WWOX: variants seen among roughly 807,000 people sequenced by gnomAD.
The protein encoded by WWOX is WW domain containing oxidoreductase.
A neutral mutation model predicts 46.2 loss-of-function variants in WWOX; 69 were observed. The ratio of observed to expected loss-of-function variants is 1.49; its 90% CI spans 1.23 to 1.82. WWOX has a LOEUF of 1.82. WWOX is among the 40% of genes most tolerant of loss of function. WWOX has a pLI of 0.00. For synonymous variants in WWOX, 359 were observed against 202.6 expected (o/e 1.77, Z -6.56); for missense variants, 919 against 542.6 (o/e 1.69, Z -6.89).
intron 8 of WWOX, among the ~76,000 whole-genome samples, chr16:78,579,115 T>C (rs185269274): frequency 2.0e-5 from 3 of 152,228 alleles, no homozygotes; most frequent in African/African-American, 7.2e-5. Flanking sequence ...TGGCTGTGTT[T>C]TTCTGTTTCT....
intron 8 of WWOX, among the ~76,000 whole-genome samples, chr16:79,073,901 T>A (rs1276171210): frequency 6.6e-6 from 1 of 152,200 alleles, no homozygotes. Flanking sequence ...ATATTTTGTA[T>A]GTCCTTTTTA....
chr16:78,298,730 G>A (rs575083884), intron 5 of WWOX, among the ~76,000 whole-genome samples: 1 of 151,584 alleles, frequency 6.6e-6, no homozygotes, highest in South Asian at 2.1e-4. Flanking sequence ...GGCGGAGGTT[G>A]TGGTGAGCCA....
At chr16:79,068,862 T>TAATAAA (rs534924193) in intron 8 of WWOX, among the ~76,000 whole-genome samples, 1 of 140,420 alleles carries the variant, frequency 7.1e-6, no homozygotes, top group East Asian at 2.1e-4. Context: ...ATAATAATAA[T>TAATAAA]AAAGAAAGCG....
intron 4 of WWOX, among the ~76,000 whole-genome samples, chr16:78,136,983 G>A (rs542739433): frequency 4.6e-5 from 7 of 152,178 alleles, no homozygotes; most frequent in Non-Finnish European, 1.0e-4. Flanking sequence ...TCTGTAAGAG[G>A]AGAGGAGAGG....
chr16:78,995,022 T>G (rs560485607), intron 8 of WWOX, among the ~76,000 whole-genome samples: 5 of 146,996 alleles, frequency 3.4e-5, no homozygotes, highest in Non-Finnish European at 7.5e-5. Flanking sequence ...TTTCCCATTA[T>G]GCACAATGCG....
intron 8 of WWOX, among the ~76,000 whole-genome samples, chr16:78,547,802 A>G (rs957647522): frequency 2.6e-5 from 4 of 152,060 alleles, no homozygotes; most frequent in South Asian, 2.1e-4. Context: ...CTTTGCCTCA[A>G]TGACCTAATC....
intron 5 of WWOX, among the ~76,000 whole-genome samples, chr16:78,352,681 C>G (rs1012781999): frequency 1.3e-5 from 2 of 152,192 alleles, no homozygotes; most frequent in African/African-American, 4.8e-5. Flanking sequence ...TTACCATTTG[C>G]TATGTAACAT....
chr16:78,968,137 G>GCA (rs1362761244), intron 8 of WWOX, among the ~76,000 whole-genome samples: 8 of 16,242 alleles, frequency 4.9e-4, no homozygotes, highest in Admixed American at 1.2e-3. Flanking sequence ...CGTGGTCCGT[G>GCA]TGGCACAGCG....
rs536286940 is a variant in WWOX at position 78,132,228 on chromosome 16, G to A, written c.409+17074G>A. ...TTTTTAGTAGAGACGGGGTTTCACC[G>A]TGTTAGCAAGGATGGTCTTGATCTC... On this transcript the variant is annotated intron_variant, in intron 4 of 8. Transcript: ENST00000566780. Among the ~76,000 whole-genome samples, 12 of 149,938 alleles carry A rather than the reference G, an allele frequency of 8.0e-5. No homozygotes were observed. The South Asian group carries it at 1.3e-3, about 16-fold the overall frequency.
intron 8 of WWOX, among the ~76,000 whole-genome samples, chr16:79,157,289 C>G (rs1198170899): frequency 1.3e-5 from 2 of 152,038 alleles, no homozygotes; most frequent in African/African-American, 4.8e-5. Context: ...AGCAAGAAAA[C>G]TGATCTTTTT....
At chr16:78,968,378 G>A (rs1398463380) in intron 8 of WWOX, among the ~76,000 whole-genome samples, 1 of 152,168 alleles carries the variant, frequency 6.6e-6, no homozygotes, top group African/African-American at 2.4e-5. Context: ...TGTAGATGGA[G>A]ATAAATTGTC....
chr16:79,052,306 T>A (rs1332375886), intron 8 of WWOX, among the ~76,000 whole-genome samples: 7 of 152,132 alleles, frequency 4.6e-5, no homozygotes, highest in Admixed American at 6.5e-5. Context: ...GTTTTGTTCT[T>A]GCGATAGTTT....
intron 8 of WWOX, among the ~76,000 whole-genome samples, chr16:78,495,728 C>T (rs7205999): frequency 0.66 from 99,606 of 151,746 alleles, 35,600 homozygotes; most frequent in East Asian, 0.83. Context: ...AGGGTGGTCT[C>T]GAACTCCTGA....
At chr16:79,036,597 G>T (rs75681506) in intron 8 of WWOX, among the ~76,000 whole-genome samples, 3 of 152,142 alleles carry the variant, frequency 2.0e-5, no homozygotes, top group African/African-American at 7.2e-5. Flanking sequence ...TGAATGATCT[G>T]TCCTTCTATG....
At position 78,410,834 on chromosome 16, in the gene WWOX, C is replaced by G. The variant is rs142016117; in HGVS notation, c.606-14036C>G. Among the ~76,000 whole-genome samples the G allele has an allele frequency of 9.6e-3, 1,417 of 147,224 alleles. 28 individuals carry two copies. Among genetic ancestry groups the G allele is most frequent in the African/African-American group, 0.033 (1,316 of 39,574 alleles). ...AAAAAAAAAAAAAAAAAAAAGTTAG[C>G]TGGGGCCAAGGTCATCTCAAGTCTT... On this transcript the variant is annotated intron_variant, in intron 6 of 8. Transcript: ENST00000566780.
intron 4 of WWOX, among the ~76,000 whole-genome samples, chr16:78,133,052 T>C (rs1665357063): frequency 6.6e-6 from 1 of 152,176 alleles, no homozygotes; most frequent in African/African-American, 2.4e-5. Context: ...TACTTCTTAT[T>C]ATGTAAAATG....
At chr16:78,734,991 C>G (rs570195066) in intron 8 of WWOX, among the ~76,000 whole-genome samples, 1 of 150,798 alleles carries the variant, frequency 6.6e-6, no homozygotes, top group African/African-American at 2.4e-5. Flanking sequence ...TCAGCCTTCC[C>G]GAGTAGCTGG....
At chr16:78,515,029 G>A (rs9972674) in intron 8 of WWOX, among the ~76,000 whole-genome samples, 3,770 of 152,126 alleles carry the variant, frequency 0.025, 95 homozygotes, top group African/African-American at 0.064. Flanking sequence ...AGACCAGTCT[G>A]GCCAGTGTGG....
intron 8 of WWOX, among the ~76,000 whole-genome samples, chr16:79,068,985 G>A (rs1427806837): frequency 6.6e-6 from 1 of 152,102 alleles, no homozygotes; most frequent in Non-Finnish European, 1.5e-5. Flanking sequence ...CGTAAGATAT[G>A]CATCTATCTT....
Sources: allele counts gnomAD v4.1 joint callset (sites outside exome capture counted in the v4.1 genomes callset), GRCh38; gene constraint gnomAD v4.1.1; transcripts MANE v1.5; gene names NCBI Gene and HGNC (gene_info 2026-07-23, HGNC 2026-07-21).